Variants in HIVEP3 observed in about 807,000 individuals in gnomAD.
The protein encoded by HIVEP3 is transcription factor HIVEP3.
In HIVEP3, 49 loss-of-function variants were observed where a neutral mutation model predicts 152.8. That is an observed-to-expected ratio of 0.32 (90% CI 0.26 to 0.41). The LOEUF is 0.41. Among genes scored for constraint, HIVEP3 ranks in the 10% least tolerant of loss-of-function variants. The pLI is 1.00. For missense variants in HIVEP3, 2,790 were observed against 3,103.3 expected, an observed-to-expected ratio of 0.90 and a Z score of 2.40; for synonymous variants, 1,269 against 1,289.0, an observed-to-expected ratio of 0.98 and a Z score of 0.33.
chr1:41,580,310 T>C lies in HIVEP3; in HGVS notation c.4488A>G (p.Leu1496=). 1.9e-6 allele frequency: 3 copies of C among 1,614,218 alleles called. No homozygotes were observed. The highest frequency in any genetic ancestry group is 1.7e-6 in the Non-Finnish European group (2 of 1,180,036). ...CTGAGGACAGGCTGGACAGCATTTC[T>C]AGCTCCCTCCTGCCTTGGCCCTGGT... ...LGNQGQGRRE[L]EMLSSLSSDP... The change falls in exon 4 of 9, where the codon CTA becomes CTG. Residue 1496 remains leucine, a synonymous_variant. Transcript: ENST00000372583.
rs534961846 is a variant in HIVEP3, at chr1:41,775,250, A to G, written c.-800-74255T>C. On this transcript the variant is annotated intron_variant, in intron 1 of 8. Transcript: ENST00000372583. ...TATTCTGGATACAAGACAAACATCAAAAGTCTCTCCTCTTAGTCTTTGTGG... is the reference window on the plus strand; with the variant it reads ...TATTCTGGATACAAGACAAACATCAGAAGTCTCTCCTCTTAGTCTTTGTGG... 2.0e-5 allele frequency among the ~76,000 whole-genome samples: 3 copies of G among 152,306 alleles called. No individual in the cohort carries two copies. The South Asian group carries it at 6.2e-4, about 32-fold the overall frequency.
Position 41,768,022 on chromosome 1 carries a change from T to C in HIVEP3, c.-800-67027A>G, listed in dbSNP as rs565156164. ...GACATCATTCATTGTCATTTACAGA[T>C]GAAGAAACGGAGGCCAAAACACTAA... On this transcript the variant is annotated intron_variant, in intron 1 of 8. Transcript: ENST00000372583. Among the ~76,000 whole-genome samples the C allele has an allele frequency of 2.0e-5, 3 of 152,350 alleles. No individual in the cohort carries two copies. The South Asian group carries it at 6.2e-4, about 32-fold the overall frequency.
At chr1:41,558,917 T>G (rs1002273375) in intron 5 of HIVEP3, among the ~76,000 whole-genome samples, 4 of 152,150 alleles carry the variant, frequency 2.6e-5, no homozygotes, top group Non-Finnish European at 4.4e-5. Flanking sequence ...CACCACATTC[T>G]TGGGAGCCTG....
upstream of HIVEP3, among the ~76,000 whole-genome samples, chr1:41,919,209 T>C (rs1644919011): frequency 6.6e-6 from 1 of 152,158 alleles, no homozygotes; most frequent in African/African-American, 2.4e-5. Context: ...AGCTTCTCAG[T>C]ACTAATTGGC....
At chr1:41,735,277 G>C (rs970200795) in intron 1 of HIVEP3, among the ~76,000 whole-genome samples, 4 of 152,206 alleles carry the variant, frequency 2.6e-5, no homozygotes, top group African/African-American at 9.6e-5. Flanking sequence ...GTAAGGGCAC[G>C]TAGAACCATG....
chr1:41,606,199 C>A (rs1644820507), intron 3 of HIVEP3, among the ~76,000 whole-genome samples: 2 of 151,838 alleles, frequency 1.3e-5, no homozygotes, highest in South Asian at 2.1e-4. Context: ...TGGTGGTTAC[C>A]AATTTTTGGT....
Position 41,524,908 on chromosome 1 carries a change from T to C in HIVEP3, c.5210A>G (p.Tyr1737Cys). 1.2e-6 allele frequency: 2 copies of C among 1,612,444 alleles called. No individual in the cohort carries two copies. Among genetic ancestry groups the C allele is most frequent in the Non-Finnish European group, 1.7e-6 (2 of 1,178,848 alleles). ...PARIKIFEGG[Y>C]KSNEEYVYVR... Reference sequence around the variant, plus strand: ...ATATACATACTCTTCGTTTGATTTGTACCTATGAGCAACAGGCGTCATAGT... The same window carrying C: ...ATATACATACTCTTCGTTTGATTTGCACCTATGAGCAACAGGCGTCATAGT... The change falls in exon 6 of 9, where the codon TAC becomes TGC. Residue 1737 changes from tyrosine (Y) to cysteine (C), a missense_variant and splice_region_variant. Tyr to Cys is a radical substitution (Grantham distance 194, BLOSUM62 -2). Transcript: ENST00000372583.
chr1:41,749,794 C>T (rs574415433), intron 1 of HIVEP3, among the ~76,000 whole-genome samples: 241 of 152,286 alleles, frequency 1.6e-3, no homozygotes, highest in African/African-American at 5.6e-3. Context: ...TCAGCATGTG[C>T]TCTACGGAGC....
intron 5 of HIVEP3, among the ~76,000 whole-genome samples, chr1:41,529,638 C>A (rs1643177350): frequency 6.9e-6 from 1 of 145,630 alleles, no homozygotes; most frequent in Admixed American, 6.8e-5. Flanking sequence ...CCCACACCCT[C>A]ACACACCCCA....
At chr1:42,035,000 C>T (rs2124543050) in intron 1 of HIVEP3, among the ~76,000 whole-genome samples, 2 of 152,278 alleles carry the variant, frequency 1.3e-5, no homozygotes. Context: ...CTAGAGCTCT[C>T]AGAGGTTTTT....
At chr1:41,967,060 A>G (rs945840684) in intron 1 of HIVEP3, among the ~76,000 whole-genome samples, 1 of 152,204 alleles carries the variant, frequency 6.6e-6, no homozygotes, top group Non-Finnish European at 1.5e-5. Flanking sequence ...ATAAGTTCTT[A>G]GAGACCTACA....
At chr1:42,035,606 G>C (rs1645637972) in intron 1 of HIVEP3, among the ~76,000 whole-genome samples, 1 of 152,076 alleles carries the variant, frequency 6.6e-6, no homozygotes, top group Non-Finnish European at 1.5e-5. Context: ...GAGCTGCGGA[G>C]GCCAGACGGG....
At position 41,581,447 on chromosome 1, in the gene HIVEP3, G is replaced by A. The variant is rs1407632979; in HGVS notation, c.3351C>T (p.Tyr1117=). 1.3e-6 allele frequency: 2 copies of A among 1,583,296 alleles called. No individual in the cohort carries two copies. The highest frequency in any genetic ancestry group is 8.6e-7 in the Non-Finnish European group (1 of 1,165,466). The change falls in exon 4 of 9, where the codon TAC becomes TAT. Residue 1117 remains tyrosine, a synonymous_variant. Coordinates refer to ENST00000372583, the MANE Select transcript of HIVEP3 (RefSeq NM_024503.5). This position sits in a 1 kb window ranked among gnomAD's most constrained non-coding sequence, Gnocchi z 4.5. ...GGTGGAACACTTGCAGTGCTTCTGT[G>A]TAGGGCACAGTGGGCCCCAATGGGG... is the stretch of plus-strand genomic sequence containing the variant. ...DRPPLGPTVP[Y]TEALQVFHHP... is the part of the protein sequence containing the mutation.
chr1:41,901,112 C>T lies in HIVEP3; in HGVS notation c.-801+17301G>A, dbSNP rs533976953. ...AGGAATGCACAGGACTTGGTGACAG[C>T]TTAAGTGTAACAGGTGGTGGAGAGG... On this transcript the variant is annotated intron_variant, in intron 1 of 8. Coordinates refer to ENST00000372583, the MANE Select transcript of HIVEP3 (RefSeq NM_024503.5). 7.9e-5 allele frequency among the ~76,000 whole-genome samples: 12 copies of T among 152,098 alleles called. No homozygotes were observed. The South Asian group carries it at 1.0e-3, about 13-fold the overall frequency.
intron 3 of HIVEP3, among the ~76,000 whole-genome samples, chr1:41,604,564 G>C (rs945443337): frequency 1.3e-5 from 2 of 152,132 alleles, no homozygotes; most frequent in Non-Finnish European, 2.9e-5. Context: ...TGCTTGCTGA[G>C]GAGACTTCAT....
At chr1:41,784,627 G>A (rs1038631462) in intron 1 of HIVEP3, among the ~76,000 whole-genome samples, 5 of 152,204 alleles carry the variant, frequency 3.3e-5, no homozygotes, top group African/African-American at 1.2e-4. Flanking sequence ...ACCCCAAACT[G>A]TGAGGGGCTG....
At chr1:41,636,287 T>C (rs71652201) in intron 2 of HIVEP3, among the ~76,000 whole-genome samples, 2,804 of 152,226 alleles carry the variant, frequency 0.018, 39 homozygotes, top group Middle Eastern at 0.048. Context: ...TTAAATAGAA[T>C]ACACGCACCA....
intron 2 of HIVEP3, among the ~76,000 whole-genome samples, chr1:41,647,416 T>C (rs537434677): frequency 1.3e-5 from 2 of 152,320 alleles, no homozygotes; most frequent in Non-Finnish European, 2.9e-5. Flanking sequence ...AACTTTGTCA[T>C]GTTTCCATGC....
intron 5 of HIVEP3, among the ~76,000 whole-genome samples, chr1:41,568,190 G>A (rs943515340): frequency 6.6e-6 from 1 of 152,198 alleles, no homozygotes; most frequent in Non-Finnish European, 1.5e-5. Context: ...GTAAATACCT[G>A]GAGAAAAATA....
Sources: allele counts gnomAD v4.1 joint callset (sites outside exome capture counted in the v4.1 genomes callset), GRCh38; gene constraint gnomAD v4.1.1; non-coding constraint Gnocchi (gnomAD v3.1); transcripts MANE v1.5; gene names NCBI Gene and HGNC (gene_info 2026-07-23, HGNC 2026-07-21).